Variants in STARD6 observed in about 807,000 individuals in gnomAD.
The protein encoded by STARD6 is stAR-related lipid transfer protein 6.
STARD6 carries 21 observed loss-of-function variants against 22.3 expected under a neutral mutation model. That is an observed-to-expected ratio of 0.94 (90% confidence interval 0.67 to 1.35). STARD6 has a LOEUF of 1.35. Ranked by LOEUF, STARD6 falls within the 40% of genes most tolerant of loss-of-function variation. STARD6 has a pLI of 0.00. For missense variants in STARD6, 269 were observed against 266.9 expected (o/e 1.01, Z -0.05); for synonymous variants, 80 against 88.1 (o/e 0.91, Z 0.52).
intron 4 of STARD6, among the ~76,000 whole-genome samples, chr18:54,341,253 G>C (rs1181647426): frequency 6.6e-6 from 1 of 152,162 alleles, no homozygotes; most frequent in African/African-American, 2.4e-5. Context: ...TAGAGACGGG[G>C]TTTCACCGTG....
chr18:54,330,093 AAAAC>A (rs1331484504), intron 6 of STARD6, among the ~76,000 whole-genome samples: 8 of 151,990 alleles, frequency 5.3e-5, no homozygotes, highest in Non-Finnish European at 4.4e-5. Context: ...ATACTCTTCT[AAAAC>A]TATTTTAAAA....
Position 54,325,573 on chromosome 18 carries a change from G to C in STARD6, c.480-698C>G, listed in dbSNP as rs78983288. ...TTTATGCTTTTTTTTTTTGAGACAG[G>C]GTCTTACTCTGTTGCCCAGGCTGGA... On this transcript the variant is annotated intron_variant, in intron 7 of 7. Transcript: ENST00000307844. Among the ~76,000 whole-genome samples, 809 of 151,336 alleles carry C rather than the reference G, an allele frequency of 5.3e-3. 8 individuals carry two copies. The highest frequency in any genetic ancestry group is 0.019 in the African/African-American group (781 of 41,290).
At position 54,324,889 on chromosome 18, in the gene STARD6, A is replaced by G. The variant is rs1269830194; in HGVS notation, c.480-14T>C. On this transcript the variant is annotated splice_polypyrimidine_tract_variant and intron_variant, in intron 7 of 7. Transcript: ENST00000307844. ...TATGCTGGGTTTCTGTAAGCAAAAG[A>G]AGAGTTAAAAAAAGATAAGAAATTT... The G allele has an allele frequency of 6.7e-7, 1 of 1,493,276 alleles. No homozygotes were observed. The highest frequency in any genetic ancestry group is 1.4e-5 in the African/African-American group (1 of 69,704). 92.5% of individuals were successfully genotyped at this position (1,493,276 alleles called of 1,614,324 possible).
intron 4 of STARD6, among the ~76,000 whole-genome samples, chr18:54,342,041 G>T (rs180800822): frequency 6.6e-6 from 1 of 152,274 alleles, no homozygotes; most frequent in East Asian, 1.9e-4. Context: ...CAAAAAAAGA[G>T]AATAGACTCA....
At chr18:54,349,067 C>T (rs185619511) in intron 4 of STARD6, among the ~76,000 whole-genome samples, 17 of 151,950 alleles carry the variant, frequency 1.1e-4, no homozygotes, top group Admixed American at 1.1e-3. Flanking sequence ...TAGTCTGGTG[C>T]CTATTAAAGT....
intron 2 of STARD6, among the ~76,000 whole-genome samples, chr18:54,355,073 G>A (rs938530193): frequency 2.6e-5 from 4 of 152,256 alleles, no homozygotes; most frequent in Non-Finnish European, 4.4e-5. Flanking sequence ...TTTAAAGTGC[G>A]TAGCAGTGGC....
At chr18:54,338,838 A>G (rs764781767) in intron 4 of STARD6, among the ~76,000 whole-genome samples, 9 of 151,948 alleles carry the variant, frequency 5.9e-5, no homozygotes, top group Non-Finnish European at 1.2e-4. Context: ...TCACGAGGTC[A>G]AGAGATCGAG....
At chr18:54,329,875 G>GT (rs34087059) in intron 6 of STARD6, among the ~76,000 whole-genome samples, 10,107 of 146,086 alleles carry the variant, frequency 0.069, 372 homozygotes, top group African/African-American at 0.091. Context: ...TGTTAATCAT[G>GT]TTTTTTTTTT....
chr18:54,345,162 A>G (rs1374344727), intron 4 of STARD6, among the ~76,000 whole-genome samples: 1 of 152,178 alleles, frequency 6.6e-6, no homozygotes, highest in Non-Finnish European at 1.5e-5. Context: ...CTAAAATAAT[A>G]CAACTAAGAA....
chr18:54,337,020 A>T, intron 5 of STARD6, 105 bp downstream of exon 5: 1 of 1,036,764 alleles, frequency 9.6e-7, no homozygotes, highest in Admixed American at 2.6e-5. Flanking sequence ...TCAATTTGAA[A>T]CTATAAAATA....
At chr18:54,337,386 T>A (rs2088925627) in intron 4 of STARD6, 135 bp from the exon 5 acceptor site, 1 of 655,286 alleles carries the variant, frequency 1.5e-6, no homozygotes, top group Middle Eastern at 4.4e-4. Flanking sequence ...CTATCAGCAA[T>A]TCAATATATT....
intron 5 of STARD6, among the ~76,000 whole-genome samples, chr18:54,336,798 A>G (rs1030630682): frequency 1.3e-5 from 2 of 152,224 alleles, no homozygotes; most frequent in African/African-American, 2.4e-5. Context: ...AAATAAGTCT[A>G]CAGACTTCCC....
intron 4 of STARD6, among the ~76,000 whole-genome samples, chr18:54,341,466 T>C (rs184746302): frequency 9.0e-4 from 137 of 152,298 alleles, no homozygotes; most frequent in Admixed American, 1.8e-3. Context: ...CTCCTAAAAA[T>C]AGCAGAATAG....
chr18:54,342,526 A>C (rs1364163023), intron 4 of STARD6, among the ~76,000 whole-genome samples: 1 of 133,078 alleles, frequency 7.5e-6, no homozygotes, highest in Non-Finnish European at 1.6e-5. Flanking sequence ...TGCGGAGCCG[A>C]AGCTGGACTG....
chr18:54,337,095 C>A, intron 5 of STARD6, 30 bp downstream of exon 5: 1 of 1,576,028 alleles, frequency 6.3e-7, no homozygotes, highest in South Asian at 1.2e-5. Flanking sequence ...TATTAATGTT[C>A]TAGAAGTCCA....
At chr18:54,346,869 GA>G (rs1186681240) in intron 4 of STARD6, among the ~76,000 whole-genome samples, 1 of 152,054 alleles carries the variant, frequency 6.6e-6, no homozygotes, top group Non-Finnish European at 1.5e-5. Flanking sequence ...ATAAAAGGCA[GA>G]AACTGTCACC....
At chr18:54,353,968 A>G (rs994284942) in intron 4 of STARD6, 86 bp downstream of exon 4, 9 of 740,332 alleles carry the variant, frequency 1.2e-5, no homozygotes, top group Non-Finnish European at 2.0e-5. Context: ...ATAATTTATT[A>G]TAGCTAATGA....
chr18:54,325,254 A>G (rs1462533496), intron 7 of STARD6, among the ~76,000 whole-genome samples: 1 of 151,802 alleles, frequency 6.6e-6, no homozygotes, highest in Admixed American at 6.6e-5. Context: ...CTCTATATAT[A>G]TACACAAAAA....
At chr18:54,331,908 T>C in intron 5 of STARD6, 49 bp from the exon 6 acceptor site, 1 of 1,320,086 alleles carries the variant, frequency 7.6e-7, no homozygotes, top group Non-Finnish European at 1.1e-6. Flanking sequence ...TAATATCTAT[T>C]CTTTGTATTG....
Sources: allele counts gnomAD v4.1 joint callset (sites outside exome capture counted in the v4.1 genomes callset), GRCh38; gene constraint gnomAD v4.1.1; transcripts MANE v1.5; gene names NCBI Gene and HGNC (gene_info 2026-07-23, HGNC 2026-07-21).